SEMA3D: variants seen among roughly 807,000 people sequenced by gnomAD.
SEMA3D encodes semaphorin-3D.
Under a neutral mutation model 100.1 loss-of-function variants are expected in SEMA3D, and 84 were observed. The observed-to-expected ratio is 0.84, with a 90% confidence interval of 0.70 to 1.01. SEMA3D has a LOEUF of 1.01. Among genes scored for constraint, SEMA3D ranks in the 50% least tolerant of loss-of-function variants. The probability of loss-of-function intolerance (pLI) is 0.00; values close to 1 mark genes in which losing one functional copy is unlikely to be tolerated. For missense variants in SEMA3D, 875 were observed against 934.1 expected (o/e 0.94, Z 0.82); for synonymous variants, 312 against 320.7 (o/e 0.97, Z 0.29).
the SEMA3D span, among the ~76,000 whole-genome samples, chr7:85,232,157 T>G: frequency 1.3e-5 from 2 of 151,268 alleles, no homozygotes; most frequent in Admixed American, 1.3e-4. Flanking sequence ...GAGGAGTGAG[T>G]TGGCCTCAGA....
chr7:85,048,009 A>C (rs1791056196), intron 9 of SEMA3D, among the ~76,000 whole-genome samples: 1 of 151,732 alleles, frequency 6.6e-6, no homozygotes, highest in Non-Finnish European at 1.5e-5. Context: ...AATACTACTC[A>C]CCTTCTTTTG....
At chr7:85,194,640 G>A in the SEMA3D span, among the ~76,000 whole-genome samples, 1 of 152,026 alleles carries the variant, frequency 6.6e-6, no homozygotes, top group African/African-American at 2.4e-5. Context: ...TTCAAAGAGG[G>A]CTTAAATAAA....
chr7:85,027,803 G>T, intron 12 of SEMA3D: 2 of 463,156 alleles, frequency 4.3e-6, no homozygotes, highest in South Asian at 3.5e-5. Flanking sequence ...TTTGAAATCT[G>T]AGCTGACCAT....
the SEMA3D span, among the ~76,000 whole-genome samples, chr7:85,194,322 T>G: frequency 6.6e-6 from 1 of 152,172 alleles, no homozygotes; most frequent in African/African-American, 2.4e-5. Flanking sequence ...CCATTAAGTA[T>G]GAAGTTAGCA....
intron 2 of SEMA3D, among the ~76,000 whole-genome samples, chr7:85,143,840 AG>A (rs1185295796): frequency 1.3e-5 from 2 of 151,596 alleles, no homozygotes; most frequent in Non-Finnish European, 2.9e-5. Context: ...CCTCCCGAGT[AG>A]CTGGGACCAC....
At chr7:85,205,531 C>T in the SEMA3D span, among the ~76,000 whole-genome samples, 1 of 151,882 alleles carries the variant, frequency 6.6e-6, no homozygotes, top group Non-Finnish European at 1.5e-5. Context: ...TTTCTGTGTT[C>T]CTTTCCCTTG....
chr7:85,081,831 T>A (rs1411117313), intron 4 of SEMA3D, among the ~76,000 whole-genome samples: 3 of 152,188 alleles, frequency 2.0e-5, no homozygotes, highest in African/African-American at 7.2e-5. Context: ...AGTAGATACA[T>A]TATGTTCAGA....
At chr7:85,192,599 T>C in the SEMA3D span, among the ~76,000 whole-genome samples, 2 of 152,124 alleles carry the variant, frequency 1.3e-5, no homozygotes, top group African/African-American at 4.8e-5. Flanking sequence ...GCTACTGCTT[T>C]TCTAAGGCAC....
chr7:85,047,064 G>A (rs1246357705), intron 9 of SEMA3D, among the ~76,000 whole-genome samples: 2 of 151,756 alleles, frequency 1.3e-5, no homozygotes, highest in Admixed American at 6.6e-5. Flanking sequence ...CTGATCACAT[G>A]TGTTCAATTT....
the SEMA3D span, among the ~76,000 whole-genome samples, chr7:85,213,259 C>A: frequency 1.3e-5 from 2 of 152,008 alleles, no homozygotes; most frequent in South Asian, 2.1e-4. Context: ...TAAAAATTGT[C>A]TCTATTTGCA....
chr7:85,140,079 T>C (rs971955312), intron 2 of SEMA3D: 7 of 397,526 alleles, frequency 1.8e-5, no homozygotes, highest in African/African-American at 1.1e-4. Context: ...TACATTAATA[T>C]ATTAACAATA....
the SEMA3D span, among the ~76,000 whole-genome samples, chr7:85,222,756 C>T: frequency 1.3e-5 from 2 of 151,980 alleles, no homozygotes; most frequent in Non-Finnish European, 2.9e-5. Context: ...TCAGCCAGGA[C>T]CTAGGAGATA....
chr7:85,065,091 T>C (rs1791578371), intron 8 of SEMA3D, among the ~76,000 whole-genome samples: 1 of 152,168 alleles, frequency 6.6e-6, no homozygotes, highest in African/African-American at 2.4e-5. Flanking sequence ...GACCAAATTA[T>C]TTCTCTGTAC....
chr7:85,111,968 A>G (rs1485776494), intron 3 of SEMA3D, among the ~76,000 whole-genome samples: 1 of 152,100 alleles, frequency 6.6e-6, no homozygotes, highest in Admixed American at 6.6e-5. Flanking sequence ...ATATTCTCTC[A>G]GTAAGCGCTT....
intron 1 of SEMA3D, among the ~76,000 whole-genome samples, chr7:85,169,845 G>T (rs2116543318): frequency 6.6e-6 from 1 of 151,404 alleles, no homozygotes; most frequent in East Asian, 1.9e-4. Flanking sequence ...TATGAAATGT[G>T]GAACTATCAG....
chr7:85,241,532 T>C, the SEMA3D span, among the ~76,000 whole-genome samples: 1 of 142,634 alleles, frequency 7.0e-6, no homozygotes, highest in South Asian at 2.3e-4. Flanking sequence ...TTAATGGCAT[T>C]TGCAGCAACC....
chr7:85,073,748 C>T (rs1011701707), intron 5 of SEMA3D, among the ~76,000 whole-genome samples: 2 of 152,140 alleles, frequency 1.3e-5, no homozygotes, highest in African/African-American at 4.8e-5. Flanking sequence ...CCACTTATTG[C>T]CATTTATTTT....
intron 16 of SEMA3D, among the ~76,000 whole-genome samples, chr7:85,013,514 A>T (rs559702641): frequency 2.4e-4 from 36 of 151,716 alleles, no homozygotes; most frequent in African/African-American, 6.5e-4. Flanking sequence ...TTATTTTATT[A>T]AAAAAAATCC....
intron 1 of SEMA3D, among the ~76,000 whole-genome samples, chr7:85,171,819 A>G (rs1011374704): frequency 2.6e-5 from 4 of 152,050 alleles, no homozygotes; most frequent in Non-Finnish European, 5.9e-5. Context: ...GGAAAAATAA[A>G]ACAAAAATGA....
Sources: gnomAD v4.1 joint callset for allele counts (sites outside exome capture counted in the v4.1 genomes callset) on GRCh38, gnomAD v4.1.1 for gene constraint, MANE v1.5 for transcripts, NCBI Gene and HGNC (gene_info 2026-07-23, HGNC 2026-07-21) for gene names.